SGCE: variants seen among roughly 807,000 people sequenced by gnomAD.
SGCE encodes the protein sarcoglycan epsilon.
SGCE carries 26 observed loss-of-function variants against 57.8 expected under a neutral mutation model. The observed-to-expected ratio is 0.45, with a 90% CI of 0.33 to 0.62. SGCE has a LOEUF of 0.62. Among genes scored for constraint, SGCE ranks in the 20% least tolerant of loss-of-function variants. The pLI is 0.02. For missense variants in SGCE, 468 were observed against 548.6 expected (o/e 0.85, Z 1.47); for synonymous variants, 183 against 189.5 (o/e 0.97, Z 0.28).
rs547499734 is a variant in SGCE, at chr7:94,601,481, A to T, written c.826-624T>A. 4.1e-3 allele frequency among the ~76,000 whole-genome samples: 591 copies of T among 145,702 alleles called. 9 individuals are homozygous for T. Among genetic ancestry groups the T allele is most frequent in the South Asian group, 7.5e-3 (34 of 4,504 alleles). On this transcript the variant is annotated intron_variant, in intron 6 of 10. Coordinates refer to ENST00000648936, the MANE Select transcript of SGCE (RefSeq NM_003919.3). ...AAAAAAAAAAAAAAAAAAAAACTACAACAGTTGCACTATGTTAATTTACCT... is the reference window on the plus strand; with the variant it reads ...AAAAAAAAAAAAAAAAAAAAACTACTACAGTTGCACTATGTTAATTTACCT...
chr7:94,638,118 CTA>C (rs1362566988), intron 1 of SGCE, among the ~76,000 whole-genome samples: 3 of 152,148 alleles, frequency 2.0e-5, no homozygotes, highest in African/African-American at 7.2e-5. Context: ...GGGAAAAGAA[CTA>C]TGAGATCATG....
At chr7:94,642,829 T>G (rs1310348303) in intron 1 of SGCE, among the ~76,000 whole-genome samples, 2 of 152,218 alleles carry the variant, frequency 1.3e-5, no homozygotes, top group East Asian at 3.8e-4. Flanking sequence ...AACATTTAGA[T>G]TTAACTGCTT....
Position 94,629,721 on chromosome 7 carries a change from G to C in SGCE, c.230C>G (p.Pro77Arg). ...FKGEFPPYPKPGEISNDPITF... is the reference protein window; with the variant it reads ...FKGEFPPYPKRGEISNDPITF... ...TTTTTTCCTCACAAAGAACATACCA[G>C]GTTTTGGGTAAGGTGGAAATTCCCC... The change falls in exon 2 of 11, where the codon CCT becomes CGT. Residue 77 changes from proline (P) to arginine (R), a missense_variant and splice_region_variant. Pro to Arg is a moderately radical substitution (Grantham distance 103). Coordinates refer to ENST00000648936, the MANE Select transcript of SGCE (RefSeq NM_003919.3). The C allele has an allele frequency of 2.5e-6, 4 of 1,610,734 alleles. No individual in the cohort carries two copies. Among genetic ancestry groups the C allele is most frequent in the Non-Finnish European group, 3.4e-6 (4 of 1,177,640 alleles).
intron 1 of SGCE, among the ~76,000 whole-genome samples, chr7:94,633,927 G>C (rs1229104858): frequency 6.6e-6 from 1 of 152,090 alleles, no homozygotes; most frequent in Non-Finnish European, 1.5e-5. Context: ...GAGAACACTT[G>C]CCAGTTCTTT....
chr7:94,630,373 A>C (rs1290589355), intron 1 of SGCE, among the ~76,000 whole-genome samples: 1 of 151,880 alleles, frequency 6.6e-6, no homozygotes, highest in Non-Finnish European at 1.5e-5. Flanking sequence ...TACTTATAAA[A>C]ATGCATTGGA....
At chr7:94,650,720 A>G (rs1166628482) in intron 1 of SGCE, among the ~76,000 whole-genome samples, 1 of 152,218 alleles carries the variant, frequency 6.6e-6, no homozygotes, top group Non-Finnish European at 1.5e-5. Flanking sequence ...AGAACAGAAT[A>G]AATAAAGTTG....
intron 3 of SGCE, chr7:94,624,981 T>G (rs948927691): frequency 2.0e-5 from 3 of 152,066 alleles, no homozygotes; most frequent in Admixed American, 2.0e-4. Context: ...TTAACAGCTA[T>G]AACAGAATGT....
intron 6 of SGCE, among the ~76,000 whole-genome samples, chr7:94,601,556 T>G (rs374468676): frequency 4.6e-5 from 7 of 151,138 alleles, no homozygotes; most frequent in Admixed American, 1.3e-4. Flanking sequence ...TATGCTAAGG[T>G]TTTTATTGAA....
In SGCE at chr7:94,618,922, A is replaced by C. The variant is rs746296901; in HGVS notation, c.498T>G (p.Ile166Met). The change falls in exon 5 of 11, where the codon ATT becomes ATG. Residue 166 changes from isoleucine (I) to methionine (M), a missense_variant. Physicochemically the swap from Ile to Met is conservative, Grantham distance 10. Transcript: ENST00000648936. Reference sequence around the variant, plus strand: ...ACATTTCTTCTACATTCATATTCTTAATGAAGAATTCTGCTTGATATGGCA... The same window carrying C: ...ACATTTCTTCTACATTCATATTCTTCATGAAGAATTCTGCTTGATATGGCA... ...FPLPYQAEFF[I>M]KNMNVEEMLA... The C allele has an allele frequency of 1.9e-6, 3 of 1,613,900 alleles. No individual in the cohort carries two copies. Among genetic ancestry groups the C allele is most frequent in the Non-Finnish European group, 8.5e-7 (1 of 1,179,848 alleles).
At chr7:94,598,121 GC>G in intron 9 of SGCE, 1 of 156,270 alleles carries the variant, frequency 6.4e-6, no homozygotes, top group Non-Finnish European at 1.4e-5. Context: ...ATATGATGTA[GC>G]ATAATGCTGC....
rs551544662 is a variant in SGCE at position 94,587,712 on chromosome 7, T to C, written c.1297+977A>G. On this transcript the variant is annotated intron_variant, in intron 10 of 10. Coordinates refer to ENST00000648936, the MANE Select transcript of SGCE (RefSeq NM_003919.3). ...ATTTAATTAAAGCAAGTAATCAAAA[T>C]TGTAGGGAAAAATTCTGATAAACAT... 6.6e-5 allele frequency: 102 copies of C among 1,535,516 alleles called. No individual in the cohort carries two copies. In the Middle Eastern group the frequency reaches 1.6e-3, roughly 25 times the overall value.
chr7:94,629,980 CTG>C, intron 1 of SGCE, 139 bp from the exon 2 acceptor site: 3 of 893,472 alleles, frequency 3.4e-6, no homozygotes, highest in South Asian at 1.7e-5. Context: ...TGCAAGGAAA[CTG>C]TTAATAACAA....
chr7:94,586,087 A>AAC (rs1796876223), intron 10 of SGCE, among the ~76,000 whole-genome samples: 1 of 145,486 alleles, frequency 6.9e-6, no homozygotes, highest in African/African-American at 2.6e-5. Flanking sequence ...AAAAAAAAAA[A>AAC]CAACAACTTC....
chr7:94,619,153 T>G (rs1402967219), intron 4 of SGCE, 197 bp from the exon 5 acceptor site: 4 of 574,350 alleles, frequency 7.0e-6, no homozygotes, highest in Non-Finnish European at 1.2e-5. Context: ...CAGAACTTTA[T>G]CTACAATATA....
Position 94,618,739 on chromosome 7 carries a change from G to A in SGCE, c.662+19C>T, listed in dbSNP as rs776481596. 20 of 1,591,744 alleles carry A rather than the reference G, an allele frequency of 1.3e-5. No individual in the cohort carries two copies. In the South Asian group the frequency reaches 1.8e-4, roughly 14 times the overall value. ...TTTAAAAATCTATATTTAAGGCAAT[G>A]AGATAAAGATCTGCTTACCCCTCCT... On this transcript the variant is annotated intron_variant, in intron 5 of 10. Coordinates refer to ENST00000648936, the MANE Select transcript of SGCE (RefSeq NM_003919.3).
Position 94,629,828 on chromosome 7 carries a change from G to A in SGCE, c.123C>T (p.Phe41=). ...GTFLLTVYSI[F]SKVHSDRNVY... ...CATTCCGATCGGAGTGTACCTTGGA[G>A]AAAATACTGTACACTGAAAACAAAG... The change falls in exon 2 of 11, where the codon TTC becomes TTT. Residue 41 remains phenylalanine, a synonymous_variant. Transcript: ENST00000648936. 6.2e-7 allele frequency: 1 copy of A among 1,610,704 alleles called. No individual in the cohort carries two copies. Among genetic ancestry groups the A allele is most frequent in the Non-Finnish European group, 8.5e-7 (1 of 1,177,536 alleles).
intron 10 of SGCE, among the ~76,000 whole-genome samples, chr7:94,586,218 G>A (rs188293027): frequency 6.6e-6 from 1 of 152,174 alleles, no homozygotes; most frequent in East Asian, 1.9e-4. Context: ...TGTGCATAAT[G>A]TTCTGTGGTA....
In SGCE at chr7:94,598,722, T is replaced by C. The variant is rs1043284115; in HGVS notation, c.1253+53A>G. 6.9e-6 allele frequency: 8 copies of C among 1,161,712 alleles called. No homozygotes were observed. The African/African-American group carries it at 7.6e-5, about 11-fold the overall frequency. The allele number at this position is 1,161,712 out of a possible 1,614,324, so 72.0% of individuals were successfully genotyped here. A position where few individuals can be genotyped will look rare whatever the true frequency, so the allele number is the denominator to read the frequency against. Reference sequence around the variant, plus strand: ...CAGAAAGCTCTGTTCTTTACAGATATTAGTAAAAATATACATGCATATTAA... The same window carrying C: ...CAGAAAGCTCTGTTCTTTACAGATACTAGTAAAAATATACATGCATATTAA... On this transcript the variant is annotated intron_variant, in intron 9 of 10. Coordinates refer to ENST00000648936, the MANE Select transcript of SGCE (RefSeq NM_003919.3).
chr7:94,632,949 C>T (rs2116997675), intron 1 of SGCE, among the ~76,000 whole-genome samples: 1 of 152,184 alleles, frequency 6.6e-6, no homozygotes, highest in South Asian at 2.1e-4. Flanking sequence ...GCCCAGGCAG[C>T]ACTCACAAAC....
Sources: gnomAD v4.1 joint callset for allele counts (sites outside exome capture counted in the v4.1 genomes callset) on GRCh38, gnomAD v4.1.1 for gene constraint, MANE v1.5 for transcripts, NCBI Gene and HGNC (gene_info 2026-07-23, HGNC 2026-07-21) for gene names.